Variants in LPP observed in about 807,000 individuals in gnomAD.
The protein encoded by LPP is lipoma-preferred partner.
In LPP, 38 loss-of-function variants were observed where a neutral mutation model predicts 60.4. The ratio of observed to expected loss-of-function variants is 0.63; its 90% CI spans 0.49 to 0.83. The LOEUF (loss-of-function observed/expected upper bound fraction) is 0.83, where lower values mean the gene tolerates loss of function less well. Among genes scored for constraint, LPP ranks in the 40% least tolerant of loss-of-function variants. The pLI is 0.00. For missense variants in LPP, 902 were observed against 783.6 expected, an observed-to-expected ratio of 1.15 and a Z score of -1.80; for synonymous variants, 328 against 290.8, an observed-to-expected ratio of 1.13 and a Z score of -1.30.
chr3:188,387,738 T>C (rs1778690490), intron 3 of LPP, among the ~76,000 whole-genome samples: 1 of 152,000 alleles, frequency 6.6e-6, no homozygotes, highest in South Asian at 2.1e-4. Context: ...GGCTAATTTT[T>C]GTATTTTTAT....
intron 3 of LPP, among the ~76,000 whole-genome samples, chr3:188,391,807 C>T (rs746830499): frequency 4.7e-4 from 72 of 151,798 alleles, no homozygotes; most frequent in Non-Finnish European, 6.8e-4. Context: ...CTTTTTGTCA[C>T]GGCTGCTTTT....
rs80133910 is a variant in LPP, at chr3:188,645,318, C to T, written c.1113+35474C>T. On this transcript the variant is annotated intron_variant, in intron 7 of 11. Coordinates refer to ENST00000617246, the MANE Select transcript of LPP (RefSeq NM_001375462.1). ...TGGAGAGAGAGAGAGAGGAAAAGCA[C>T]CTTTGTTTGTATGCTTTCTTTAGAT... Among the ~76,000 whole-genome samples the T allele has an allele frequency of 4.1e-3, 618 of 151,830 alleles. 2 individuals are homozygous for T. Among genetic ancestry groups the T allele is most frequent in the African/African-American group, 0.014 (568 of 41,338 alleles).
At chr3:188,260,774 T>G (rs1046554430) in intron 2 of LPP, among the ~76,000 whole-genome samples, 1 of 152,192 alleles carries the variant, frequency 6.6e-6, no homozygotes, top group Non-Finnish European at 1.5e-5. Flanking sequence ...GGTTCACGCC[T>G]GTAATCCCAG....
intron 3 of LPP, among the ~76,000 whole-genome samples, chr3:188,353,738 CTG>C (rs761866853): frequency 5.9e-5 from 9 of 152,316 alleles, no homozygotes; most frequent in Admixed American, 1.3e-4. Context: ...GGTTTAAATG[CTG>C]TTATGCTTTG....
chr3:188,352,569 C>A lies in LPP; in HGVS notation c.-10+10850C>A, dbSNP rs1766200810. The stretch of plus-strand genomic sequence containing the variant: ...AGGAGCAAGAAGGGCTTGTGAATAT[C>A]CCGTACTCTCATTTGATGTGTGAGG... On this transcript the variant is annotated intron_variant, in intron 3 of 11. Transcript: ENST00000617246. The surrounding 1 kb of genome is among the most constrained non-coding windows in gnomAD (Gnocchi z 4.4). Among the ~76,000 whole-genome samples the A allele has an allele frequency of 6.6e-6, 1 of 152,208 alleles. No individual in the cohort carries two copies. Among genetic ancestry groups the A allele is most frequent in the African/African-American group, 2.4e-5 (1 of 41,444 alleles).
At chr3:188,533,664 C>T (rs1822804004) in intron 6 of LPP, among the ~76,000 whole-genome samples, 1 of 152,132 alleles carries the variant, frequency 6.6e-6, no homozygotes, top group Admixed American at 6.5e-5. Context: ...ATAAAATTTG[C>T]AAAACACCAT....
intron 4 of LPP, among the ~76,000 whole-genome samples, chr3:188,464,018 T>C (rs1167365243): frequency 6.6e-6 from 1 of 152,196 alleles, no homozygotes; most frequent in African/African-American, 2.4e-5. Context: ...CAATACAGTA[T>C]TGGATTTGGA....
At chr3:188,213,416 G>A (rs1027960285) in intron 1 of LPP, among the ~76,000 whole-genome samples, 2 of 152,142 alleles carry the variant, frequency 1.3e-5, no homozygotes, top group Admixed American at 1.3e-4. Flanking sequence ...GGCTCATTAT[G>A]TGGGATTAGA....
chr3:188,226,276 T>A (rs1257864185), intron 2 of LPP, among the ~76,000 whole-genome samples: 1 of 152,148 alleles, frequency 6.6e-6, no homozygotes, highest in Non-Finnish European at 1.5e-5. Context: ...CCCAAATTGC[T>A]GGGATTATAG....
intron 3 of LPP, among the ~76,000 whole-genome samples, chr3:188,401,487 G>GCC (rs1782233063): frequency 6.6e-6 from 1 of 152,248 alleles, no homozygotes; most frequent in South Asian, 2.1e-4. Flanking sequence ...GCTTATGCTA[G>GCC]CTTTTCTGAC....
At chr3:188,279,210 G>A (rs188793427) in intron 2 of LPP, among the ~76,000 whole-genome samples, 2 of 152,290 alleles carry the variant, frequency 1.3e-5, no homozygotes, top group Admixed American at 1.3e-4. Context: ...TAAGGAAATG[G>A]CGTAGAAGCC....
intron 9 of LPP, among the ~76,000 whole-genome samples, chr3:188,830,987 A>G (rs181279417): frequency 1.9e-3 from 296 of 152,340 alleles, no homozygotes; most frequent in Non-Finnish European, 2.1e-3. Flanking sequence ...TGTATATTAC[A>G]ACAGGTGCTC....
intron 3 of LPP, among the ~76,000 whole-genome samples, chr3:188,349,877 G>C (rs1256765673): frequency 2.6e-5 from 4 of 152,228 alleles, no homozygotes; most frequent in African/African-American, 9.6e-5. Flanking sequence ...GATAATACCA[G>C]TGCTCCTGAG....
chr3:188,826,590 G>A (rs1039067339), intron 9 of LPP, among the ~76,000 whole-genome samples: 3 of 152,034 alleles, frequency 2.0e-5, no homozygotes, highest in Non-Finnish European at 4.4e-5. Context: ...CTTAACATTA[G>A]CTGTAGGTTT....
intron 4 of LPP, among the ~76,000 whole-genome samples, chr3:188,434,592 C>T (rs557966036): frequency 3.3e-5 from 5 of 152,194 alleles, no homozygotes; most frequent in Non-Finnish European, 7.3e-5. Context: ...TTCTTGTCAT[C>T]TGCCAAGTAG....
intron 5 of LPP, among the ~76,000 whole-genome samples, chr3:188,497,510 T>C (rs1325063172): frequency 6.6e-6 from 1 of 152,200 alleles, no homozygotes; most frequent in African/African-American, 2.4e-5. Context: ...TTTGATGGTA[T>C]GGTGTATATT....
At position 188,352,689 on chromosome 3, in the gene LPP, T is replaced by C. The variant is rs1444072546; in HGVS notation, c.-10+10970T>C. On this transcript the variant is annotated intron_variant, in intron 3 of 11. Transcript: ENST00000617246. The surrounding 1 kb of genome is among the most constrained non-coding windows in gnomAD (Gnocchi z 4.4). ...GGAGGTCAGGTCTTGTTTCCCTGCT[T>C]GTTGATGTTCCAGCTGCATGCACGG... Among the ~76,000 whole-genome samples, 1 of 81,016 alleles carries C rather than the reference T, an allele frequency of 1.2e-5. No individual in the cohort carries two copies. Among genetic ancestry groups the C allele is most frequent in the Admixed American group, 1.4e-4 (1 of 7,346 alleles). 53.1% of individuals were successfully genotyped at this position (81,016 alleles called of 152,430 possible). A position where few individuals can be genotyped will look rare whatever the true frequency, so the allele number is the denominator to read the frequency against.
At chr3:188,402,722 G>A (rs749314709) in intron 3 of LPP, among the ~76,000 whole-genome samples, 13 of 152,196 alleles carry the variant, frequency 8.5e-5, no homozygotes, top group African/African-American at 1.7e-4. Flanking sequence ...GCATTGTGCC[G>A]GTATAGTGAG....
At chr3:188,343,719 A>G (rs1763631328) in intron 3 of LPP, among the ~76,000 whole-genome samples, 1 of 152,134 alleles carries the variant, frequency 6.6e-6, no homozygotes, top group Non-Finnish European at 1.5e-5. Context: ...TCTTTTCGTT[A>G]TATTTTGGAG....
Sources: gnomAD v4.1 joint callset for allele counts (sites outside exome capture counted in the v4.1 genomes callset) on GRCh38, gnomAD v4.1.1 for gene constraint, Gnocchi (gnomAD v3.1) non-coding constraint, MANE v1.5 for transcripts, NCBI Gene and HGNC (gene_info 2026-07-23, HGNC 2026-07-21) for gene names.